NR2F2: variants seen among roughly 807,000 people sequenced by gnomAD.
The protein encoded by NR2F2 is COUP transcription factor 2.
In NR2F2, 2 loss-of-function variants were observed where a neutral mutation model predicts 34.8. The observed-to-expected ratio is 0.06, with a 90% CI of 0.02 to 0.18. NR2F2 has a LOEUF of 0.18. Ranked by LOEUF, NR2F2 falls within the 10% of genes least tolerant of loss-of-function variation. The pLI is 1.00. For synonymous variants in NR2F2, 274 were observed against 251.8 expected, an observed-to-expected ratio of 1.09 and a Z score of -0.84; for missense variants, 300 against 580.1, an observed-to-expected ratio of 0.52 and a Z score of 4.96.
At position 96,331,030 on chromosome 15, in the gene NR2F2, C is replaced by T. The variant is rs1899121580; in HGVS notation, c.-1076C>T. On this transcript the variant is annotated 5_prime_UTR_variant, in exon 1 of 3. Coordinates refer to ENST00000394166, the MANE Select transcript of NR2F2 (RefSeq NM_021005.4). ...CCGCCGCCGGCGAGTTGACTCTTTC[C>T]CTATGTGTGTGAGGCGGCGGCGGCA... is the stretch of plus-strand genomic sequence containing the variant. 11 of 1,236,714 alleles carry T rather than the reference C, an allele frequency of 8.9e-6. No homozygotes were observed. The highest frequency in any genetic ancestry group is 9.1e-6 in the Non-Finnish European group (9 of 992,714). 76.6% of individuals were successfully genotyped at this position (1,236,714 alleles called of 1,614,324 possible). A position where few individuals can be genotyped will look rare whatever the true frequency, so the allele number is the denominator to read the frequency against.
At position 96,330,914 on chromosome 15, in the gene NR2F2, TTC is replaced by T. The variant is rs950203288; in HGVS notation, c.-1187_-1186del. 1 of 1,135,506 alleles carries T rather than the reference TTC, an allele frequency of 8.8e-7. No homozygotes were observed. Among genetic ancestry groups the T allele is most frequent in the Admixed American group, 4.9e-5 (1 of 20,338 alleles). The allele number at this position is 1,135,506 out of a possible 1,614,324, so 70.3% of individuals were successfully genotyped here. A position where few individuals can be genotyped will look rare whatever the true frequency, so the allele number is the denominator to read the frequency against. ...TGCCTTTTTTCCCCTCTTTCATTCT[TTC>T]TCTCCGTCTTTTTCTCCCCCCTCTG... On this transcript the variant is annotated 5_prime_UTR_variant, in exon 1 of 3. Transcript: ENST00000394166.
intron 2 of NR2F2, among the ~76,000 whole-genome samples, chr15:96,336,054 C>T (rs115297713): frequency 6.2e-4 from 95 of 152,292 alleles, no homozygotes; most frequent in African/African-American, 2.0e-3. Flanking sequence ...TCACCCCTGT[C>T]CCACAACCCA....
At chr15:96,335,642 G>A (rs916014721) in intron 2 of NR2F2, among the ~76,000 whole-genome samples, 2 of 152,180 alleles carry the variant, frequency 1.3e-5, no homozygotes, top group Non-Finnish European at 2.9e-5. Context: ...ACGTTAGCAG[G>A]GCTTGGAACC....
In NR2F2 at chr15:96,338,678, AG is replaced by A. The variant is rs1416599520; in HGVS notation, c.*1058del. The A allele has an allele frequency of 1.3e-5, 2 of 152,476 alleles. No homozygotes were observed. Among genetic ancestry groups the A allele is most frequent in the African/African-American group, 4.8e-5 (2 of 41,396 alleles). The allele number at this position is 152,476 out of a possible 1,614,324, so 9.4% of individuals were successfully genotyped here. A position where few individuals can be genotyped will look rare whatever the true frequency, so the allele number is the denominator to read the frequency against. On this transcript the variant is annotated 3_prime_UTR_variant, in exon 3 of 3. Transcript: ENST00000394166. Reference sequence around the variant, plus strand: ...ACAGTTTGTGTTTTAAAAAAACTGAAGGTTTTTTTTTTAAGTGCAACATTTC... The same window carrying A: ...ACAGTTTGTGTTTTAAAAAAACTGAAGTTTTTTTTTTAAGTGCAACATTTC...
At chr15:96,333,679 T>TC (rs1899226887) in intron 1 of NR2F2, 22 of 1,102,472 alleles carry the variant, frequency 2.0e-5, no homozygotes, top group Non-Finnish European at 2.2e-5. Flanking sequence ...CGCCTCACCC[T>TC]CCCCCCAGAC....
intron 1 of NR2F2, chr15:96,333,685 C>A: frequency 8.9e-7 from 1 of 1,129,284 alleles, no homozygotes; most frequent in Non-Finnish European, 1.1e-6. Context: ...ACCCTCCCCC[C>A]AGACTCGCCC....
intron 1 of NR2F2, among the ~76,000 whole-genome samples, chr15:96,332,797 C>T (rs965790088): frequency 6.6e-6 from 1 of 152,052 alleles, no homozygotes; most frequent in African/African-American, 2.4e-5. Context: ...ATTGTGAGTT[C>T]ACTGGAGTCT....
Position 96,337,715 on chromosome 15 carries a change from A to G in NR2F2, c.*93A>G. ...TTTCCTTCTGTTAAGAAAGGATATA[A>G]AAGGATGTTACAAGTTTGCTAAAAG... On this transcript the variant is annotated 3_prime_UTR_variant, in exon 3 of 3. Coordinates refer to ENST00000394166, the MANE Select transcript of NR2F2 (RefSeq NM_021005.4). 7.7e-7 allele frequency: 1 copy of G among 1,305,790 alleles called. No individual in the cohort carries two copies. The highest frequency in any genetic ancestry group is 1.0e-6 in the Non-Finnish European group (1 of 958,958). The allele number at this position is 1,305,790 out of a possible 1,614,324, so 80.9% of individuals were successfully genotyped here. A position where few individuals can be genotyped will look rare whatever the true frequency, so the allele number is the denominator to read the frequency against.
At chr15:96,326,069 C>T (rs1235789552), upstream of NR2F2, 2 of 585,928 alleles carry the variant, frequency 3.4e-6, no homozygotes, top group Non-Finnish European at 6.1e-6. The surrounding 1 kb of genome is among the most constrained non-coding windows in gnomAD (Gnocchi z 5.5). Flanking sequence ...CAGGGTTTTC[C>T]AAGGCTGAGA....
At chr15:96,333,939 T>C in intron 1 of NR2F2, 137 bp from the exon 2 acceptor site, 2 of 1,494,202 alleles carry the variant, frequency 1.3e-6, no homozygotes, top group Non-Finnish European at 1.8e-6. Context: ...CGACTCCAGC[T>C]CTGTGGCAGG....
At chr15:96,334,987 T>TGGGCCTCCAGGAGATGCCCTGGGC (rs1398993045) in intron 2 of NR2F2, among the ~76,000 whole-genome samples, 1 of 152,256 alleles carries the variant, frequency 6.6e-6, no homozygotes, top group Non-Finnish European at 1.5e-5. Flanking sequence ...GCGCCCTGGC[T>TGGGCCTCCAGGAGATGCCCTGGGC]GGGCCTCCAG....
At chr15:96,337,326 C>CT (rs901304965) in intron 2 of NR2F2, 22 bp from the exon 3 acceptor site, 5 of 1,596,168 alleles carry the variant, frequency 3.1e-6, no homozygotes, top group Admixed American at 1.7e-5. Flanking sequence ...TCTTCTTCTT[C>CT]TGTTTTTAAA....
chr15:96,330,990 T>C lies in NR2F2; in HGVS notation c.-1116T>C, dbSNP rs113588756. The C allele has an allele frequency of 5.4e-5, 65 of 1,211,646 alleles. No homozygotes were observed. The highest frequency in any genetic ancestry group is 6.4e-4 in the Middle Eastern group (2 of 3,148). 75.1% of individuals were successfully genotyped at this position (1,211,646 alleles called of 1,614,324 possible). On this transcript the variant is annotated 5_prime_UTR_variant, in exon 1 of 3. Coordinates refer to ENST00000394166, the MANE Select transcript of NR2F2 (RefSeq NM_021005.4). ...TGGTGATCTGCCCTCCTCTCTCTCT[T>C]TTATCATTTCTCCCCCGCCGCCGGC...
In NR2F2 at chr15:96,331,645, CGAGAGAGG is replaced by C. The variant is rs940444040; in HGVS notation, c.-457_-450del. On this transcript the variant is annotated 5_prime_UTR_variant, in exon 1 of 3. Coordinates refer to ENST00000394166, the MANE Select transcript of NR2F2 (RefSeq NM_021005.4). The stretch of plus-strand genomic sequence containing the variant: ...CACCAGCTCTAAGAGCGAGAGTGAA[CGAGAGAGG>C]GAGGGAGAGAGTGAGAGCGAGCGAG... 2.6e-6 allele frequency: 3 copies of C among 1,160,696 alleles called. No homozygotes were observed. The African/African-American group carries it at 4.8e-5, about 19-fold the overall frequency. The allele number at this position is 1,160,696 out of a possible 1,614,324, so 71.9% of individuals were successfully genotyped here.
chr15:96,331,205 C>A lies in NR2F2; in HGVS notation c.-901C>A, dbSNP rs1899129881. The A allele has an allele frequency of 3.1e-6, 3 of 975,816 alleles. No individual in the cohort carries two copies. Among genetic ancestry groups the A allele is most frequent in the African/African-American group, 1.8e-5 (1 of 56,244 alleles). The allele number at this position is 975,816 out of a possible 1,614,324, so 60.4% of individuals were successfully genotyped here. On this transcript the variant is annotated 5_prime_UTR_variant, in exon 1 of 3. Transcript: ENST00000394166. ...GGCGGCCCGGGCGGCCCGCAGGGAA[C>A]GGCGAGCGGCCTCCACCCAGCGACT...
At chr15:96,333,491 C>T in intron 1 of NR2F2, 1 of 1,003,482 alleles carries the variant, frequency 1.0e-6, no homozygotes, top group Non-Finnish European at 1.2e-6. Flanking sequence ...TCCGCCCTCT[C>T]CCTCCGTCTC....
upstream of NR2F2, among the ~76,000 whole-genome samples, chr15:96,328,304 A>G (rs1899044597): frequency 6.6e-6 from 1 of 152,184 alleles, no homozygotes; most frequent in Non-Finnish European, 1.5e-5. Context: ...GCATACTTCA[A>G]ATTCCAAAAA....
chr15:96,331,604 CAACTCCTCGGCT>C lies in NR2F2; in HGVS notation c.-501_-490del. ...CCTCCTCCTCCTCCTCCTCCTCCGC[CAACTCCTCGGCT>C]GCACACCAGCTCTAAGAGCGAGAGT... On this transcript the variant is annotated 5_prime_UTR_variant, in exon 1 of 3. Transcript: ENST00000394166. 8.2e-7 allele frequency: 1 copy of C among 1,213,238 alleles called. No individual in the cohort carries two copies. The highest frequency in any genetic ancestry group is 1.0e-6 in the Non-Finnish European group (1 of 973,566). The allele number at this position is 1,213,238 out of a possible 1,614,324, so 75.2% of individuals were successfully genotyped here.
rs1899112702 is a variant in NR2F2 at position 96,330,815 on chromosome 15, T to A, written c.-1291T>A. 12 of 1,107,704 alleles carry A rather than the reference T, an allele frequency of 1.1e-5. No individual in the cohort carries two copies. In the South Asian group the frequency reaches 4.6e-4, roughly 42 times the overall value. 68.6% of individuals were successfully genotyped at this position (1,107,704 alleles called of 1,614,324 possible). ...TTCTTTTCTCTCCGCGGTGTGTGTG[T>A]GCGTGCGCGCGTGTGTGTTTTCTTC... On this transcript the variant is annotated 5_prime_UTR_variant, in exon 1 of 3. Coordinates refer to ENST00000394166, the MANE Select transcript of NR2F2 (RefSeq NM_021005.4).
Sources: gnomAD v4.1 joint callset for allele counts (sites outside exome capture counted in the v4.1 genomes callset) on GRCh38, gnomAD v4.1.1 for gene constraint, Gnocchi (gnomAD v3.1) non-coding constraint, MANE v1.5 for transcripts, NCBI Gene and HGNC (gene_info 2026-07-23, HGNC 2026-07-21) for gene names.